Variants in ELF2 observed in about 807,000 individuals in gnomAD.
ELF2 encodes ETS-related transcription factor Elf-2.
A neutral mutation model predicts 54.8 loss-of-function variants in ELF2; 11 were observed. That is an observed-to-expected ratio of 0.20 (90% CI 0.13 to 0.33). The LOEUF is 0.33. ELF2 is among the 10% of genes least tolerant of loss of function. The probability of loss-of-function intolerance (pLI) is 1.00; values close to 1 mark genes in which losing one functional copy is unlikely to be tolerated. For synonymous variants in ELF2, 203 were observed against 245.1 expected, an observed-to-expected ratio of 0.83 and a Z score of 1.61; for missense variants, 513 against 703.0, an observed-to-expected ratio of 0.73 and a Z score of 3.06.
At chr4:139,144,320 C>T (rs997226098) in intron 1 of ELF2, among the ~76,000 whole-genome samples, 8 of 152,118 alleles carry the variant, frequency 5.3e-5, no homozygotes, top group Admixed American at 4.6e-4. Flanking sequence ...GCACCAGGGG[C>T]GGGAAGAGCC....
chr4:139,153,073 A>T (rs1000258658), intron 1 of ELF2, among the ~76,000 whole-genome samples: 1 of 152,044 alleles, frequency 6.6e-6, no homozygotes, highest in South Asian at 2.1e-4. Flanking sequence ...TAAAATAGGC[A>T]TAATTATCCC....
intron 4 of ELF2, among the ~76,000 whole-genome samples, chr4:139,097,504 C>G (rs1350896193): frequency 6.6e-6 from 1 of 151,760 alleles, no homozygotes; most frequent in Non-Finnish European, 1.5e-5. Context: ...GTAATCCCAG[C>G]TACTCGGGAG....
intron 4 of ELF2, among the ~76,000 whole-genome samples, chr4:139,104,435 G>A (rs1399948623): frequency 7.0e-6 from 1 of 143,562 alleles, no homozygotes; most frequent in Non-Finnish European, 1.5e-5. Context: ...ACTTGAGCCC[G>A]AAAGGCGAGG....
intron 4 of ELF2, among the ~76,000 whole-genome samples, chr4:139,116,065 G>A (rs13149976): frequency 1 from 152,166 of 152,258 alleles, 76,037 homozygotes; most frequent in Middle Eastern, 1. Context: ...GCTGGTCTTG[G>A]ACTCCTGACC....
intron 4 of ELF2, among the ~76,000 whole-genome samples, chr4:139,114,165 TTTTC>T (rs1202268036): frequency 3.9e-5 from 6 of 152,184 alleles, no homozygotes; most frequent in African/African-American, 1.2e-4. Context: ...TTAAAATAGA[TTTTC>T]TTTTTCTATA....
At chr4:139,062,147 T>TA in intron 7 of ELF2, 90 bp from the exon 8 acceptor site, 1 of 1,276,988 alleles carries the variant, frequency 7.8e-7, no homozygotes, top group Non-Finnish European at 1.1e-6. Context: ...CATTGTATCA[T>TA]AAAAATCCTG....
rs183081748 is a variant in ELF2, at chr4:139,144,216, C to A, written c.-251-4719G>T. On this transcript the variant is annotated intron_variant, in intron 1 of 9. Coordinates refer to ENST00000686138, the MANE Select transcript of ELF2 (RefSeq NM_001331036.3). Reference sequence around the variant, plus strand: ...AGATTACCTCCAGAGTATACACCCCCACTATGAAAACTAGAAATCCGGCCC... The same window carrying A: ...AGATTACCTCCAGAGTATACACCCCAACTATGAAAACTAGAAATCCGGCCC... 3.2e-3 allele frequency among the ~76,000 whole-genome samples: 484 copies of A among 152,186 alleles called. 5 individuals carry two copies. The highest frequency in any genetic ancestry group is 0.011 in the African/African-American group (454 of 41,520).
In ELF2 at chr4:139,115,048, C is replaced by T. The variant is rs564363337; in HGVS notation, c.238+10116G>A. 8.7e-6 allele frequency: 14 copies of T among 1,613,896 alleles called. No homozygotes were observed. The East Asian group carries it at 1.3e-4, about 15-fold the overall frequency. On this transcript the variant is annotated intron_variant, in intron 4 of 9. Transcript: ENST00000686138. ...CAGCAGCTCCTTGACCGTGGCAGCCCGGGCATCGTCACTCTCCATGTCCAG... is the reference window on the plus strand; with the variant it reads ...CAGCAGCTCCTTGACCGTGGCAGCCTGGGCATCGTCACTCTCCATGTCCAG...
chr4:139,159,941 T>C (rs188690696), intron 1 of ELF2, among the ~76,000 whole-genome samples: 2 of 152,184 alleles, frequency 1.3e-5, no homozygotes, highest in African/African-American at 2.4e-5. Flanking sequence ...GTAGTCCCTT[T>C]GCAAGAGTGA....
chr4:139,092,414 T>TAACATAACATAACATAACATA lies in ELF2; in HGVS notation c.239-18848_239-18847insTATGTTATGTTATGTTATGTT, dbSNP rs70940488. ...TAACATAACATAACATAACATAACA[T>TAACATAACATAACATAACATA]ACATAACATAACATAACATAACATA... On this transcript the variant is annotated intron_variant, in intron 4 of 9. Transcript: ENST00000686138. Among the ~76,000 whole-genome samples the TAACATAACATAACATAACATA allele has an allele frequency of 3.3e-3, 294 of 87,796 alleles. 10 individuals are homozygous for TAACATAACATAACATAACATA. The highest frequency in any genetic ancestry group is 5.2e-3 in the South Asian group (13 of 2,508). 57.6% of individuals were successfully genotyped at this position (87,796 alleles called of 152,430 possible). A position where few individuals can be genotyped will look rare whatever the true frequency, so the allele number is the denominator to read the frequency against.
At chr4:139,140,268 T>A (rs1263414199) in intron 1 of ELF2, among the ~76,000 whole-genome samples, 3 of 152,130 alleles carry the variant, frequency 2.0e-5, no homozygotes, top group Non-Finnish European at 4.4e-5. Context: ...CATCCAAACA[T>A]CCCAAGCCCT....
At chr4:139,137,425 G>C in intron 3 of ELF2, 1 of 595,534 alleles carries the variant, frequency 1.7e-6, no homozygotes, top group Non-Finnish European at 3.0e-6. Context: ...TCTAATATAT[G>C]TATGTTCCAA....
At chr4:139,073,650 C>A in intron 4 of ELF2, 83 bp from the exon 5 acceptor site, 1 of 651,968 alleles carries the variant, frequency 1.5e-6, no homozygotes. Context: ...AACATATTCA[C>A]TCCTGAAAGA....
intron 1 of ELF2, among the ~76,000 whole-genome samples, chr4:139,149,027 A>G (rs1471376882): frequency 6.6e-6 from 1 of 152,242 alleles, no homozygotes; most frequent in Non-Finnish European, 1.5e-5. Flanking sequence ...AAAACAAGAT[A>G]TTTTAAACTT....
chr4:139,069,967 A>C (rs1380193225), intron 6 of ELF2, among the ~76,000 whole-genome samples: 1 of 151,636 alleles, frequency 6.6e-6, no homozygotes, highest in African/African-American at 2.4e-5. Context: ...CAGCCTCCCG[A>C]GTAGCTAGGA....
chr4:139,059,940 T>C (rs1244354619), intron 9 of ELF2, among the ~76,000 whole-genome samples: 1 of 151,920 alleles, frequency 6.6e-6, no homozygotes, highest in East Asian at 1.9e-4. Context: ...CTCCAACTCC[T>C]AAGCTCAAGT....
intron 3 of ELF2, among the ~76,000 whole-genome samples, chr4:139,136,419 CA>C (rs897033287): frequency 1.1e-4 from 16 of 144,876 alleles, no homozygotes; most frequent in Non-Finnish European, 1.4e-4. Context: ...CACCAAGGAG[CA>C]AAAAAAAAAG....
chr4:139,121,012 C>A (rs547750751), intron 4 of ELF2, among the ~76,000 whole-genome samples: 2 of 151,092 alleles, frequency 1.3e-5, no homozygotes, highest in African/African-American at 4.9e-5. Context: ...GTAAATTGAA[C>A]TTCCCTCTTC....
At position 139,073,478 on chromosome 4, in the gene ELF2, A is replaced by C; in HGVS notation, c.328T>G (p.Cys110Gly). ...CCAGGACTTCTTGAATCCCTCAAGCAGGTAGGAGATTCCATATGAAGCAGG... is the reference window on the plus strand; with the variant it reads ...CCAGGACTTCTTGAATCCCTCAAGCCGGTAGGAGATTCCATATGAAGCAGG... ...EALLHMESPT[C>G]LRDSRSPVEV... Residue 110 changes from cysteine to glycine, a missense_variant, in exon 5 of 10, where the codon TGC becomes GGC. Physicochemically the swap from Cys to Gly is radical, Grantham distance 159. Around this residue, in one of 3 missense-constraint regions of ELF2, gnomAD observed 203 missense variants for 245.9 expected, o/e 0.83. Coordinates refer to ENST00000686138, the MANE Select transcript of ELF2 (RefSeq NM_001331036.3). 6.2e-7 allele frequency: 1 copy of C among 1,608,806 alleles called. No homozygotes were observed. Among genetic ancestry groups the C allele is most frequent in the Non-Finnish European group, 8.5e-7 (1 of 1,176,558 alleles).
Sources: allele counts gnomAD v4.1 joint callset (sites outside exome capture counted in the v4.1 genomes callset), GRCh38; gene constraint gnomAD v4.1.1; regional missense constraint gnomAD v4.1.1; transcripts MANE v1.5; gene names NCBI Gene and HGNC (gene_info 2026-07-23, HGNC 2026-07-21).